Variants in TNIK observed in about 807,000 individuals in gnomAD.
TNIK encodes the protein TRAF2 and NCK-interacting protein kinase.
In TNIK, 49 loss-of-function variants were observed where a neutral mutation model predicts 191.3. The observed-to-expected ratio is 0.26, with a 90% CI of 0.20 to 0.32. The LOEUF (loss-of-function observed/expected upper bound fraction) is 0.32, where lower values mean the gene tolerates loss of function less well. Ranked by LOEUF, TNIK falls within the 10% of genes least tolerant of loss-of-function variation. The pLI, the probability that TNIK is intolerant of heterozygous loss-of-function variation, is 1.00. For synonymous variants in TNIK, 594 were observed against 600.9 expected (o/e 0.99, Z 0.17); for missense variants, 1,155 against 1,702.3 (o/e 0.68, Z 5.66).
Position 171,272,798 on chromosome 3 carries a change from T to C in TNIK, c.124-44577A>G, listed in dbSNP as rs534480086. On this transcript the variant is annotated intron_variant, in intron 2 of 32. Coordinates refer to ENST00000436636, the MANE Select transcript of TNIK (RefSeq NM_015028.4). ...GTTCTCTGAATTTCCTTAAAACCAT[T>C]ATTTTGAATTGTTTGTCAGGCAGTT... 2.6e-5 allele frequency among the ~76,000 whole-genome samples: 4 copies of C among 152,360 alleles called. No homozygotes were observed. In the South Asian group the frequency reaches 8.3e-4, roughly 32 times the overall value.
intron 1 of TNIK, among the ~76,000 whole-genome samples, chr3:171,425,142 C>T (rs141482143): frequency 1.3e-5 from 2 of 152,212 alleles, no homozygotes; most frequent in Admixed American, 1.3e-4. Context: ...GATTAATTTG[C>T]GTGTTTTGGA....
At chr3:171,433,185 T>C (rs1230777421) in intron 1 of TNIK, among the ~76,000 whole-genome samples, 2 of 137,508 alleles carry the variant, frequency 1.5e-5, no homozygotes, top group Non-Finnish European at 3.2e-5. Context: ...ACAGTCTATA[T>C]AGAAAAACAA....
At chr3:171,363,057 C>G (rs1171439732) in intron 2 of TNIK, among the ~76,000 whole-genome samples, 1 of 152,132 alleles carries the variant, frequency 6.6e-6, no homozygotes, top group Non-Finnish European at 1.5e-5. Context: ...GGTTTTACCC[C>G]CACAGAAGAC....
At chr3:171,306,389 A>G (rs1250622113) in intron 2 of TNIK, among the ~76,000 whole-genome samples, 1 of 152,182 alleles carries the variant, frequency 6.6e-6, no homozygotes, top group African/African-American at 2.4e-5. Flanking sequence ...TAAATTAAAG[A>G]AAAAGAAAAT....
At chr3:171,169,354 G>A (rs564965143) in intron 9 of TNIK, among the ~76,000 whole-genome samples, 5 of 151,824 alleles carry the variant, frequency 3.3e-5, no homozygotes, top group South Asian at 2.1e-4. Context: ...TGCAACCTCT[G>A]CCTCTCACGT....
In TNIK at chr3:171,394,358, G is replaced by A. The variant is rs74481657; in HGVS notation, c.58-24673C>T. 7.5e-3 allele frequency among the ~76,000 whole-genome samples: 1,138 copies of A among 152,270 alleles called. 14 individuals carry two copies. Among genetic ancestry groups the A allele is most frequent in the African/African-American group, 0.025 (1,028 of 41,546 alleles). ...AATTCTGCTCAAGTATTGACTACCTGAAAACTTTCTCTGACACTTCTATCC... is the reference window on the plus strand; with the variant it reads ...AATTCTGCTCAAGTATTGACTACCTAAAAACTTTCTCTGACACTTCTATCC... On this transcript the variant is annotated intron_variant, in intron 1 of 32. Coordinates refer to ENST00000436636, the MANE Select transcript of TNIK (RefSeq NM_015028.4).
At chr3:171,356,938 G>A (rs188812105) in intron 2 of TNIK, among the ~76,000 whole-genome samples, 1 of 152,198 alleles carries the variant, frequency 6.6e-6, no homozygotes, top group Admixed American at 6.5e-5. Context: ...CCAAAGACAT[G>A]GTAGAAGATG....
At chr3:171,429,543 C>A (rs2108655192) in intron 1 of TNIK, among the ~76,000 whole-genome samples, 1 of 152,360 alleles carries the variant, frequency 6.6e-6, no homozygotes, top group Non-Finnish European at 1.5e-5. Flanking sequence ...ACCTCCAGTT[C>A]CTTGCCTAGG....
intron 2 of TNIK, among the ~76,000 whole-genome samples, chr3:171,301,232 T>C (rs1276772402): frequency 6.6e-6 from 1 of 151,526 alleles, no homozygotes; most frequent in African/African-American, 2.4e-5. Context: ...AGTAATTAAC[T>C]GGAATCTAAC....
intron 2 of TNIK, among the ~76,000 whole-genome samples, chr3:171,344,759 A>C (rs962371578): frequency 6.6e-6 from 1 of 152,092 alleles, no homozygotes; most frequent in Non-Finnish European, 1.5e-5. Context: ...CTCCTGCTTG[A>C]AACGATCCCC....
chr3:171,455,633 T>C (rs1728705567), intron 1 of TNIK, among the ~76,000 whole-genome samples: 1 of 152,220 alleles, frequency 6.6e-6, no homozygotes, highest in Non-Finnish European at 1.5e-5. Context: ...GATAGCATAT[T>C]TGTACAGTGC....
chr3:171,278,002 G>A (rs1029994648), intron 2 of TNIK, among the ~76,000 whole-genome samples: 1 of 152,158 alleles, frequency 6.6e-6, no homozygotes, highest in Non-Finnish European at 1.5e-5. Flanking sequence ...CACTCCAGCA[G>A]GGGTGACAGA....
intron 1 of TNIK, among the ~76,000 whole-genome samples, chr3:171,407,187 G>C (rs1041041799): frequency 6.6e-6 from 1 of 152,134 alleles, no homozygotes; most frequent in Non-Finnish European, 1.5e-5. Flanking sequence ...AAGAAATGGC[G>C]GAAGGAAGTA....
chr3:171,241,350 G>A (rs1010469659), intron 2 of TNIK, among the ~76,000 whole-genome samples: 1 of 152,096 alleles, frequency 6.6e-6, no homozygotes, highest in Non-Finnish European at 1.5e-5. Context: ...CTTCTTACTT[G>A]AAGGCATAAC....
chr3:171,073,460 A>G (rs986253885), intron 28 of TNIK, among the ~76,000 whole-genome samples: 16 of 152,286 alleles, frequency 1.1e-4, no homozygotes, highest in African/African-American at 3.6e-4. Context: ...ATATTGGCCT[A>G]GACAACATGT....
intron 1 of TNIK, among the ~76,000 whole-genome samples, chr3:171,400,534 C>T (rs545663156): frequency 6.8e-4 from 96 of 141,160 alleles, no homozygotes; most frequent in African/African-American, 2.5e-3. Flanking sequence ...CACCACTGCA[C>T]TCCAGCCTGG....
intron 2 of TNIK, among the ~76,000 whole-genome samples, chr3:171,323,977 A>G (rs1473592548): frequency 6.6e-6 from 1 of 152,184 alleles, no homozygotes; most frequent in Non-Finnish European, 1.5e-5. Context: ...CCCTCCACAG[A>G]AAACAGAAAT....
intron 9 of TNIK, among the ~76,000 whole-genome samples, chr3:171,169,707 C>T (rs1187984801): frequency 2.0e-5 from 3 of 152,124 alleles, no homozygotes; most frequent in African/African-American, 7.2e-5. Flanking sequence ...TCTAAAATAA[C>T]AGTCAGAGAA....
At chr3:171,337,780 C>T (rs985422529) in intron 2 of TNIK, among the ~76,000 whole-genome samples, 2 of 152,158 alleles carry the variant, frequency 1.3e-5, no homozygotes, top group South Asian at 2.1e-4. Context: ...AATATTTTCT[C>T]AAGATTACCA....
Sources: gnomAD v4.1 joint callset for allele counts (sites outside exome capture counted in the v4.1 genomes callset) on GRCh38, gnomAD v4.1.1 for gene constraint, MANE v1.5 for transcripts, NCBI Gene and HGNC (gene_info 2026-07-23, HGNC 2026-07-21) for gene names.